ANK2: variants seen among roughly 807,000 people sequenced by gnomAD.
ANK2 encodes the protein ankyrin 2, also known as ankyrin-2.
A neutral mutation model predicts 360.5 loss-of-function variants in ANK2; 83 were observed. The observed-to-expected ratio is 0.23, with a 90% CI of 0.19 to 0.28. The LOEUF is 0.28. Among genes scored for constraint, ANK2 ranks in the 10% least tolerant of loss-of-function variants. The pLI is 1.00. For missense variants in ANK2, 4,201 were observed against 4,795.7 expected (o/e 0.88, Z 3.66); for synonymous variants, 1,740 against 1,759.5 (o/e 0.99, Z 0.28).
At chr4:112,859,459 A>G (rs1211416371) in intron 1 of ANK2, among the ~76,000 whole-genome samples, 1 of 152,186 alleles carries the variant, frequency 6.6e-6, no homozygotes, top group African/African-American at 2.4e-5. Flanking sequence ...AGCTGAGCCC[A>G]GTTAGGTGTA....
rs182761400 is a variant in ANK2 at position 112,833,895 on chromosome 4, A to G, written c.-40+15631A>G. 1.8e-4 allele frequency among the ~76,000 whole-genome samples: 27 copies of G among 152,370 alleles called. No homozygotes were observed. The East Asian group carries it at 4.8e-3, about 27-fold the overall frequency. On this transcript the variant is annotated intron_variant, in intron 1 of 30. Transcript: ENST00000503271. ...AGTCTTTCTTTATCCCTGGTGCTCC[A>G]GTTCTCCTCCTCAGAGACAACTGCT...
At chr4:112,734,167 A>C in the ANK2 span, among the ~76,000 whole-genome samples, 1 of 152,218 alleles carries the variant, frequency 6.6e-6, no homozygotes, top group Admixed American at 6.5e-5. Context: ...CTGTGGAAGG[A>C]AACAGAAGGA....
At chr4:112,898,043 C>G (rs965132461) in intron 1 of ANK2, among the ~76,000 whole-genome samples, 24 of 152,206 alleles carry the variant, frequency 1.6e-4, no homozygotes, top group African/African-American at 5.8e-4. Flanking sequence ...GAGAAGCCAA[C>G]CATCTTTATC....
At chr4:113,263,151 G>GCACTC (rs2053959195) in intron 13 of ANK2, among the ~76,000 whole-genome samples, 1 of 138,592 alleles carries the variant, frequency 7.2e-6, no homozygotes, top group South Asian at 2.3e-4. Context: ...TCATGCCACT[G>GCACTC]CACTCCAGCC....
intron 13 of ANK2, among the ~76,000 whole-genome samples, chr4:113,259,431 T>C (rs2051341351): frequency 6.6e-6 from 1 of 152,226 alleles, no homozygotes; most frequent in African/African-American, 2.4e-5. Flanking sequence ...TTTCACTTTT[T>C]ATTTGTATTC....
intron 2 of ANK2, among the ~76,000 whole-genome samples, chr4:112,998,458 T>G (rs1158001049): frequency 1.3e-5 from 2 of 152,174 alleles, no homozygotes; most frequent in Admixed American, 6.5e-5. Flanking sequence ...GTTTCCAGGA[T>G]GACTTTAAGT....
intron 1 of ANK2, among the ~76,000 whole-genome samples, chr4:113,097,862 G>A (rs531885350): frequency 0.28 from 27,735 of 97,458 alleles, 3,184 homozygotes; most frequent in East Asian, 0.57. Flanking sequence ...GTGTGTGTGT[G>A]TGTGTATATA....
rs554990180 is a variant in ANK2 at position 113,012,888 on chromosome 4, A to G, written c.21+108374A>G. Reference sequence around the variant, plus strand: ...ATTGGATCTCACAGGCCTCTCATCCATAGATGCCTATCACTGAGATCTGTA... The same window carrying G: ...ATTGGATCTCACAGGCCTCTCATCCGTAGATGCCTATCACTGAGATCTGTA... On this transcript the variant is annotated intron_variant, in intron 2 of 30. Coordinates refer to the ANK2 transcript ENST00000503271. 2.0e-5 allele frequency among the ~76,000 whole-genome samples: 3 copies of G among 152,266 alleles called. No individual in the cohort carries two copies. The South Asian group carries it at 6.2e-4, about 32-fold the overall frequency.
At chr4:112,890,556 G>GTTTTTTTTTTTTTTT (rs754680934) in intron 1 of ANK2, among the ~76,000 whole-genome samples, 10 of 67,458 alleles carry the variant, frequency 1.5e-4, no homozygotes, top group African/African-American at 2.2e-4. Flanking sequence ...CATTTCTGTG[G>GTTTTTTTTTTTTTTT]TTTTTTTTTT....
chr4:113,192,202 T>A (rs971594490), intron 2 of ANK2, among the ~76,000 whole-genome samples: 3 of 152,234 alleles, frequency 2.0e-5, no homozygotes, highest in Non-Finnish European at 4.4e-5. Flanking sequence ...CATTTCTAAA[T>A]GTCCATTATC....
At chr4:113,090,242 T>C (rs1293851990) in intron 1 of ANK2, among the ~76,000 whole-genome samples, 1 of 152,252 alleles carries the variant, frequency 6.6e-6, no homozygotes. Context: ...TCTCAAATCA[T>C]TGATAAGCTA....
In ANK2 at chr4:113,354,985, G is replaced by A. The variant is rs772479237; in HGVS notation, c.6367G>A (p.Asp2123Asn). 6.2e-7 allele frequency: 1 copy of A among 1,614,032 alleles called. No homozygotes were observed. The highest frequency in any genetic ancestry group is 8.5e-7 in the Non-Finnish European group (1 of 1,179,976). Residue 2123 changes from aspartate (D) to asparagine (N), a missense_variant, in exon 38 of 46, where the codon GAT becomes AAT. Around this residue, in one of 4 missense-constraint regions of ANK2, gnomAD observed 2,642 missense variants for 2,714.5 expected, o/e 0.97. Transcript: ENST00000357077. ...GATGGCTGATGAGCAGGGAGACATG[G>A]ATCTACAGATCAGCCCAGATAGGAA... The part of the protein sequence containing the change: ...EKMADEQGDM[D>N]LQISPDRKTS...
chr4:113,006,210 G>A (rs763346470), intron 2 of ANK2, among the ~76,000 whole-genome samples: 4 of 152,054 alleles, frequency 2.6e-5, no homozygotes, highest in Non-Finnish European at 1.5e-5. Flanking sequence ...TTGAGAAGAC[G>A]GATAGCCCAA....
chr4:112,830,872 G>T (rs1185982723), intron 1 of ANK2, among the ~76,000 whole-genome samples: 1 of 152,192 alleles, frequency 6.6e-6, no homozygotes, highest in African/African-American at 2.4e-5. Flanking sequence ...TTCCAGGTGG[G>T]CACGGGCTTG....
At chr4:112,943,588 C>T (rs2154248257) in intron 2 of ANK2, among the ~76,000 whole-genome samples, 1 of 152,026 alleles carries the variant, frequency 6.6e-6, no homozygotes, top group South Asian at 2.1e-4. Flanking sequence ...GTTCTGTCTC[C>T]TTACCTTTAA....
At chr4:112,716,400 T>C in the ANK2 span, among the ~76,000 whole-genome samples, 5 of 152,228 alleles carry the variant, frequency 3.3e-5, no homozygotes, top group African/African-American at 4.8e-5. Context: ...CTGGGCCTCA[T>C]TGGTCCATCA....
At chr4:113,026,464 C>A (rs2059314295) in intron 2 of ANK2, among the ~76,000 whole-genome samples, 1 of 152,182 alleles carries the variant, frequency 6.6e-6, no homozygotes, top group South Asian at 2.1e-4. Flanking sequence ...ACTCTTTCCT[C>A]TTCAACTATA....
intron 2 of ANK2, among the ~76,000 whole-genome samples, chr4:113,191,075 C>T (rs917120692): frequency 1.3e-5 from 2 of 152,112 alleles, no homozygotes; most frequent in Non-Finnish European, 2.9e-5. Flanking sequence ...TATGGTGGTT[C>T]ACGCCTATAA....
chr4:112,781,441 C>T, the ANK2 span, among the ~76,000 whole-genome samples: 2 of 152,048 alleles, frequency 1.3e-5, no homozygotes, highest in African/African-American at 4.8e-5. Context: ...CTTCCATTTC[C>T]ACTGTCAATG....
Sources: gnomAD v4.1 joint callset for allele counts (sites outside exome capture counted in the v4.1 genomes callset) on GRCh38, gnomAD v4.1.1 for gene constraint, gnomAD v4.1.1 regional missense constraint, MANE v1.5 for transcripts, NCBI Gene and HGNC (gene_info 2026-07-23, HGNC 2026-07-21) for gene names.